SENP5: variants seen among roughly 807,000 people sequenced by gnomAD.
The protein encoded by SENP5 is sentrin-specific protease 5.
SENP5 carries 21 observed loss-of-function variants against 74.2 expected under a neutral mutation model. The ratio of observed to expected loss-of-function variants is 0.28; its 90% CI spans 0.20 to 0.41. The LOEUF is 0.41. Among genes scored for constraint, SENP5 ranks in the 10% least tolerant of loss-of-function variants. The pLI is 1.00. For missense variants in SENP5, 717 were observed against 889.1 expected, an observed-to-expected ratio of 0.81 and a Z score of 2.46; for synonymous variants, 311 against 312.7, an observed-to-expected ratio of 0.99 and a Z score of 0.06.
Position 196,886,197 on chromosome 3 carries a change from G to A in SENP5, c.1016G>A (p.Ser339Asn). ...KGSSFLGKEL[S>N]LDEAFPDQQN... ...AGCTCTTTCTTGGGCAAGGAGCTTA[G>A]TTTAGACGAAGCATTCCCTGACCAA... The change falls in exon 2 of 10, where the codon AGT (serine) becomes AAT (asparagine). Residue 339 changes from serine to asparagine, a missense_variant. Physicochemically the swap from Ser to Asn is conservative, Grantham distance 46. Around this residue, in one of 4 missense-constraint regions of SENP5, gnomAD observed 567 missense variants for 577.4 expected, o/e 0.98. Transcript: ENST00000323460. 6.2e-7 allele frequency: 1 copy of A among 1,614,204 alleles called. No homozygotes were observed. The highest frequency in any genetic ancestry group is 8.5e-7 in the Non-Finnish European group (1 of 1,180,038).
chr3:196,929,300 C>T (rs993481960), intron 8 of SENP5: 3 of 254,454 alleles, frequency 1.2e-5, no homozygotes, highest in Non-Finnish European at 2.2e-5. Context: ...CCTTTGTTCT[C>T]CCAGGCACAG....
chr3:196,922,660 A>C (rs919311955), intron 6 of SENP5, among the ~76,000 whole-genome samples: 1 of 152,052 alleles, frequency 6.6e-6, no homozygotes, highest in Non-Finnish European at 1.5e-5. Context: ...TGGCTCTGTC[A>C]CCCAGGCTGG....
In SENP5 at chr3:196,886,658, C is replaced by T; in HGVS notation, c.1477C>T (p.Pro493Ser). 1.9e-6 allele frequency: 3 copies of T among 1,586,496 alleles called. No individual in the cohort carries two copies. Among genetic ancestry groups the T allele is most frequent in the Non-Finnish European group, 2.6e-6 (3 of 1,168,714 alleles). Reference protein sequence around the residue: ...GGGKNSQKASPVDDEQLSVCL... With the variant: ...GGGKNSQKASSVDDEQLSVCL... Reference sequence around the variant, plus strand: ...TGGAAAGAACAGTCAGAAAGCCTCTCCAGTGGATGATGAACAGCTGTCAGT... The same window carrying T: ...TGGAAAGAACAGTCAGAAAGCCTCTTCAGTGGATGATGAACAGCTGTCAGT... The change falls in exon 2 of 10, where the codon CCA (proline) becomes TCA (serine). Residue 493 changes from proline (P) to serine (S), a missense_variant. Around this residue, in one of 4 missense-constraint regions of SENP5, gnomAD observed 567 missense variants for 577.4 expected, o/e 0.98. Coordinates refer to ENST00000323460, the MANE Select transcript of SENP5 (RefSeq NM_152699.5).
chr3:196,903,139 A>G, intron 5 of SENP5, among the ~76,000 whole-genome samples: 1 of 150,736 alleles, frequency 6.6e-6, no homozygotes, highest in Middle Eastern at 3.4e-3. Context: ...GATCATTATT[A>G]TCATTATTAT....
At chr3:196,868,642 G>A (rs1259829637) in intron 1 of SENP5, among the ~76,000 whole-genome samples, 1 of 152,194 alleles carries the variant, frequency 6.6e-6, no homozygotes, top group South Asian at 2.1e-4. Context: ...TTTGGACTTA[G>A]AGCGAGAATA....
At chr3:196,870,814 G>A (rs1352650146) in intron 1 of SENP5, among the ~76,000 whole-genome samples, 3 of 151,852 alleles carry the variant, frequency 2.0e-5, no homozygotes, top group Admixed American at 6.6e-5. Context: ...CACTGTATCC[G>A]GTCAGCAGCA....
In SENP5 at chr3:196,930,682, C is replaced by T. The variant is rs190053122; in HGVS notation, c.2158-131C>T. 6.2e-5 allele frequency: 40 copies of T among 646,292 alleles called. No individual in the cohort carries two copies. The Middle Eastern group carries it at 1.2e-3, about 20-fold the overall frequency. 40.0% of individuals were successfully genotyped at this position (646,292 alleles called of 1,614,324 possible). The stretch of plus-strand genomic sequence containing the variant: ...GTGGAAAAATTGCCTTACACGTAAC[C>T]AGTCCCTGGTGCCAAAAAGGTTGGG... On this transcript the variant is annotated intron_variant, in intron 9 of 9. Coordinates refer to ENST00000323460, the MANE Select transcript of SENP5 (RefSeq NM_152699.5).
intron 2 of SENP5, 52 bp from the exon 3 acceptor site, chr3:196,899,614 C>T (rs910292711): frequency 1.4e-5 from 16 of 1,135,568 alleles, no homozygotes; most frequent in Admixed American, 3.5e-5. Flanking sequence ...AATGACTCTA[C>T]TGAAAATGGC....
At position 196,897,671 on chromosome 3, in the gene SENP5, A is replaced by G. The variant is rs867177290; in HGVS notation, c.1514-1995A>G. Among the ~76,000 whole-genome samples, 18 of 152,352 alleles carry G rather than the reference A, an allele frequency of 1.2e-4. No individual in the cohort carries two copies. The Middle Eastern group carries it at 0.024, about 202-fold the overall frequency. ...TTTATATCAATGCATGGCAGAGGCC[A>G]TTCTTGGAGTTACAAAGGGAGCTGG... On this transcript the variant is annotated intron_variant, in intron 2 of 9. Transcript: ENST00000323460.
chr3:196,895,440 C>T (rs1714403273), intron 2 of SENP5, among the ~76,000 whole-genome samples: 1 of 152,186 alleles, frequency 6.6e-6, no homozygotes, highest in Non-Finnish European at 1.5e-5. Flanking sequence ...CCCGCTTCGG[C>T]TTCCCAAAGT....
intron 6 of SENP5, among the ~76,000 whole-genome samples, chr3:196,918,512 C>G (rs1033475201): frequency 6.6e-6 from 1 of 150,618 alleles, no homozygotes; most frequent in Non-Finnish European, 1.5e-5. Flanking sequence ...AACAAAAAAT[C>G]TACAACAGGT....
intron 7 of SENP5, among the ~76,000 whole-genome samples, chr3:196,925,705 T>A (rs1481208956): frequency 6.6e-6 from 1 of 152,220 alleles, no homozygotes; most frequent in African/African-American, 2.4e-5. Flanking sequence ...GCAGTTGGGT[T>A]TAAGTCGATT....
At chr3:196,926,420 T>G (rs1480104992) in intron 7 of SENP5, among the ~76,000 whole-genome samples, 3 of 148,590 alleles carry the variant, frequency 2.0e-5, no homozygotes, top group African/African-American at 7.5e-5. Context: ...AGGTGGAGGT[T>G]GCAGCGAGCC....
intron 1 of SENP5, among the ~76,000 whole-genome samples, chr3:196,878,536 C>A (rs747733188): frequency 1.3e-5 from 2 of 152,156 alleles, no homozygotes; most frequent in Non-Finnish European, 2.9e-5. Flanking sequence ...CAAAAGCAGC[C>A]TCTTTCAAGT....
intron 1 of SENP5, among the ~76,000 whole-genome samples, chr3:196,880,125 T>A (rs1165654009): frequency 6.6e-6 from 1 of 152,150 alleles, no homozygotes; most frequent in Non-Finnish European, 1.5e-5. Context: ...TTTGTATTTT[T>A]GGTAGAGACA....
At chr3:196,872,662 C>G (rs1426251483) in intron 1 of SENP5, among the ~76,000 whole-genome samples, 1 of 152,120 alleles carries the variant, frequency 6.6e-6, no homozygotes, top group Non-Finnish European at 1.5e-5. Flanking sequence ...CGGAGCTGCA[C>G]TATCCAGTGT....
Position 196,931,262 on chromosome 3 carries a change from C to T in SENP5, c.*339C>T, listed in dbSNP as rs550312707. 6 of 194,792 alleles carry T rather than the reference C, an allele frequency of 3.1e-5. No homozygotes were observed. The highest frequency in any genetic ancestry group is 1.3e-4 in the East Asian group (1 of 7,496). 12.1% of individuals were successfully genotyped at this position (194,792 alleles called of 1,614,324 possible). A position where few individuals can be genotyped will look rare whatever the true frequency, so the allele number is the denominator to read the frequency against. On this transcript the variant is annotated 3_prime_UTR_variant, in exon 10 of 10. Transcript: ENST00000323460. ...GTGCAGCTTTTGAAACTTAGTTAGA[C>T]GTGAACTGAATACAGGTTTCAAATT...
chr3:196,924,409 A>G (rs796861794), intron 7 of SENP5, among the ~76,000 whole-genome samples: 30 of 152,386 alleles, frequency 2.0e-4, no homozygotes, highest in African/African-American at 6.7e-4. Context: ...ATAAAAGGAC[A>G]TAATAGAAAT....
At chr3:196,905,812 C>G (rs1329296102) in intron 6 of SENP5, among the ~76,000 whole-genome samples, 1 of 152,122 alleles carries the variant, frequency 6.6e-6, no homozygotes, top group African/African-American at 2.4e-5. Context: ...CTTCTCTTCT[C>G]TCCCTGGTGG....
Sources: gnomAD v4.1 joint callset for allele counts (sites outside exome capture counted in the v4.1 genomes callset) on GRCh38, gnomAD v4.1.1 for gene constraint, gnomAD v4.1.1 regional missense constraint, MANE v1.5 for transcripts, NCBI Gene and HGNC (gene_info 2026-07-23, HGNC 2026-07-21) for gene names.